Variants in IFT52 observed in about 807,000 individuals in gnomAD.
IFT52 encodes intraflagellar transport protein 52 homolog.
A neutral mutation model predicts 54.4 loss-of-function variants in IFT52; 44 were observed. That is an observed-to-expected ratio of 0.81 (90% CI 0.63 to 1.04). IFT52 has a LOEUF of 1.04. Among genes scored for constraint, IFT52 ranks in the 50% least tolerant of loss-of-function variants. IFT52 has a pLI of 0.00. For missense variants in IFT52, 452 were observed against 523.6 expected, an observed-to-expected ratio of 0.86 and a Z score of 1.33; for synonymous variants, 181 against 185.3, an observed-to-expected ratio of 0.98 and a Z score of 0.19.
intron 6 of IFT52, among the ~76,000 whole-genome samples, chr20:43,607,903 G>A (rs950878785): frequency 1.3e-5 from 2 of 152,206 alleles, no homozygotes; most frequent in Non-Finnish European, 2.9e-5. Context: ...CCGGCACCTC[G>A]GGAGGCCGAG....
chr20:43,632,074 C>T (rs1043616938), intron 10 of IFT52, among the ~76,000 whole-genome samples: 4 of 151,400 alleles, frequency 2.6e-5, no homozygotes, highest in African/African-American at 9.7e-5. Flanking sequence ...TACAGGCATG[C>T]ACCACCATAC....
intron 11 of IFT52, 102 bp from the exon 12 acceptor site, chr20:43,637,043 A>T: frequency 1.3e-6 from 1 of 753,194 alleles, no homozygotes; most frequent in East Asian, 2.8e-5. Flanking sequence ...CTTGTGTCTT[A>T]TCACTGTTAG....
chr20:43,612,090 G>A (rs6103395), intron 6 of IFT52, among the ~76,000 whole-genome samples: 109,531 of 151,888 alleles, frequency 0.72, 39,611 homozygotes, highest in Non-Finnish European at 0.75. Context: ...TCAAGTGTCC[G>A]TTCTCCCTTA....
rs758241733 is a variant in IFT52, at chr20:43,613,949, A to G, written c.585A>G (p.Arg195=). The G allele has an allele frequency of 2.5e-6, 4 of 1,613,916 alleles. No homozygotes were observed. Among genetic ancestry groups the G allele is most frequent in the South Asian group, 2.2e-5 (2 of 91,066 alleles). ...GTTCTGTCTGCTTCCCACTTAACAG[A>G]CCCATTTTGGCTTTCTATCACTCAA... is the stretch of plus-strand genomic sequence containing the variant. ...STGSVCFPLN[R]PILAFYHSKN... is the part of the protein sequence containing the mutation. Residue 195 remains arginine (R), a synonymous_variant, in exon 7 of 14, where the codon AGA becomes AGG. Coordinates refer to ENST00000373030, the MANE Select transcript of IFT52 (RefSeq NM_016004.5).
At chr20:43,646,798 T>G (rs923326264) in intron 13 of IFT52, 138 bp from the exon 14 acceptor site, 2 of 741,304 alleles carry the variant, frequency 2.7e-6, no homozygotes, top group Non-Finnish European at 4.5e-6. Context: ...TGGGTTGGAT[T>G]CAGCCCTAAA....
At chr20:43,601,499 A>C (rs1601026840) in intron 3 of IFT52, among the ~76,000 whole-genome samples, 1 of 152,324 alleles carries the variant, frequency 6.6e-6, no homozygotes, top group East Asian at 1.9e-4. Flanking sequence ...AGCTCCTTCA[A>C]CTTTTGCCCA....
chr20:43,619,910 CT>C (rs11482384), intron 8 of IFT52, among the ~76,000 whole-genome samples: 1,647 of 82,664 alleles, frequency 0.02, 17 homozygotes, highest in African/African-American at 0.067. Context: ...AGATATTCTA[CT>C]TTTTTTTTTT....
At chr20:43,628,320 GGAGGAATCTAGAGAGGCA>G (rs1289204719) in intron 10 of IFT52, among the ~76,000 whole-genome samples, 4 of 152,158 alleles carry the variant, frequency 2.6e-5, no homozygotes, top group African/African-American at 9.7e-5. Flanking sequence ...TGCTCAGAGG[GGAGGAATCTAGAGAGGCA>G]GTCTGGCTAC....
Position 43,620,842 on chromosome 20 carries a change from T to TC in IFT52, c.700-15_700-14insC, listed in dbSNP as rs1160054046. On this transcript the variant is annotated splice_polypyrimidine_tract_variant and intron_variant, in intron 8 of 13. Coordinates refer to ENST00000373030, the MANE Select transcript of IFT52 (RefSeq NM_016004.5). ...AACCAACTGTCCTAATTATATACTT[T>TC]TTTTTTTAATTTAGGATGTTGTTTT... 1.9e-6 allele frequency: 3 copies of TC among 1,599,632 alleles called. No homozygotes were observed. Among genetic ancestry groups the TC allele is most frequent in the Non-Finnish European group, 2.6e-6 (3 of 1,169,454 alleles).
At chr20:43,646,826 T>C in intron 13 of IFT52, 110 bp from the exon 14 acceptor site, 1 of 926,196 alleles carries the variant, frequency 1.1e-6, no homozygotes, top group East Asian at 2.4e-5. Flanking sequence ...ATTATGTATA[T>C]GTCCTAATTA....
At chr20:43,595,083 A>G (rs1981831465) in intron 2 of IFT52, among the ~76,000 whole-genome samples, 1 of 152,010 alleles carries the variant, frequency 6.6e-6, no homozygotes, top group Non-Finnish European at 1.5e-5. Context: ...TGGGAGGCCA[A>G]GGCGGGTGGA....
chr20:43,599,056 T>C (rs1418555008), intron 3 of IFT52, among the ~76,000 whole-genome samples: 1 of 152,146 alleles, frequency 6.6e-6, no homozygotes, highest in East Asian at 1.9e-4. Context: ...GAGAGGGACA[T>C]GATTGTTTGA....
intron 6 of IFT52, 180 bp downstream of exon 6, chr20:43,605,253 TA>T: frequency 3.6e-6 from 5 of 1,370,752 alleles, no homozygotes; most frequent in Non-Finnish European, 4.7e-6. Flanking sequence ...GTAGTCTTAA[TA>T]TAGTATTTAG....
intron 6 of IFT52, among the ~76,000 whole-genome samples, chr20:43,607,520 A>G (rs1235121150): frequency 7.2e-6 from 1 of 138,530 alleles, no homozygotes; most frequent in Non-Finnish European, 1.6e-5. Flanking sequence ...GGCGCTCCTC[A>G]CATCCCAGAC....
chr20:43,605,071 C>G lies in IFT52; in HGVS notation c.483C>G (p.Ala161=), dbSNP rs1982751605. 6.2e-7 allele frequency: 1 copy of G among 1,612,954 alleles called. No homozygotes were observed. Among genetic ancestry groups the G allele is most frequent in the Non-Finnish European group, 8.5e-7 (1 of 1,179,668 alleles). Residue 161 remains alanine (A), a splice_region_variant and synonymous_variant, in exon 6 of 14, where the codon GCC becomes GCG. Transcript: ENST00000373030. Reference sequence around the variant, plus strand: ...ATGAGGAAAGCAGTGGAAACAATGCCCAGTGAGTGTGTTTTCTGATGCCAC... The same window carrying G: ...ATGAGGAAAGCAGTGGAAACAATGCGCAGTGAGTGTGTTTTCTGATGCCAC... The part of the protein sequence containing the change: ...IIDEESSGNN[A]QALTFVYPFG...
intron 1 of IFT52, among the ~76,000 whole-genome samples, chr20:43,592,468 G>A (rs1411128009): frequency 6.6e-6 from 1 of 151,950 alleles, no homozygotes; most frequent in Non-Finnish European, 1.5e-5. Flanking sequence ...CAGCCGCTTG[G>A]GAGGCTGAGG....
intron 10 of IFT52, among the ~76,000 whole-genome samples, chr20:43,625,820 C>G (rs748318400): frequency 1.3e-5 from 2 of 151,878 alleles, no homozygotes; most frequent in Admixed American, 1.3e-4. Context: ...ACTGAGAGTT[C>G]TGAGCAGAGG....
At chr20:43,617,702 T>C (rs1446766062) in intron 7 of IFT52, among the ~76,000 whole-genome samples, 5 of 152,080 alleles carry the variant, frequency 3.3e-5, no homozygotes, top group African/African-American at 7.2e-5. Context: ...CCTCGGCCTC[T>C]TAAAATGCTG....
intron 3 of IFT52, 124 bp from the exon 4 acceptor site, chr20:43,603,636 A>G (rs1291581301): frequency 1.2e-6 from 1 of 844,114 alleles, no homozygotes; most frequent in African/African-American, 1.7e-5. Flanking sequence ...TCTTATATAC[A>G]TTTATATGTA....
Sources: gnomAD v4.1 joint callset for allele counts (sites outside exome capture counted in the v4.1 genomes callset) on GRCh38, gnomAD v4.1.1 for gene constraint, MANE v1.5 for transcripts, NCBI Gene and HGNC (gene_info 2026-07-23, HGNC 2026-07-21) for gene names.